ZFYVE16: variants seen among roughly 807,000 people sequenced by gnomAD.
ZFYVE16 encodes the protein zinc finger FYVE-type containing 16.
ZFYVE16 carries 89 observed loss-of-function variants against 138.1 expected under a neutral mutation model. The ratio of observed to expected loss-of-function variants is 0.64; its 90% CI spans 0.54 to 0.77. The LOEUF is 0.77. ZFYVE16 is among the 30% of genes least tolerant of loss of function. The pLI is 0.00. For missense variants in ZFYVE16, 1,793 were observed against 1,786.7 expected (o/e 1.00, Z -0.06); for synonymous variants, 596 against 618.3 (o/e 0.96, Z 0.53).
At chr5:80,476,982 A>G (rs1486364136) in intron 18 of ZFYVE16, among the ~76,000 whole-genome samples, 2 of 152,190 alleles carry the variant, frequency 1.3e-5, no homozygotes, top group Non-Finnish European at 2.9e-5. Context: ...TTTAGAGGAA[A>G]CGTAAAGTAT....
chr5:80,438,911 T>A lies in ZFYVE16; in HGVS notation c.2226T>A (p.Pro742=). The change falls in exon 4 of 19, where the codon CCT becomes CCA. Residue 742 remains proline (P), a synonymous_variant. Transcript: ENST00000505560. ...KEGLVLGQKQ[P]TWVPDSEAPN... ...GCTTGGTTTTGGGCCAGAAACAGCC[T>A]ACTTGGGTTCCTGATTCAGAAGCTC... 1 of 1,614,102 alleles carries A rather than the reference T, an allele frequency of 6.2e-7. No homozygotes were observed. The highest frequency in any genetic ancestry group is 8.5e-7 in the Non-Finnish European group (1 of 1,179,944).
chr5:80,439,900 G>T, intron 4 of ZFYVE16, 36 bp from the exon 5 acceptor site: 2 of 1,574,910 alleles, frequency 1.3e-6, no homozygotes, highest in Non-Finnish European at 1.7e-6. Context: ...AAGTATTCTT[G>T]AAACAAAGAC....
chr5:80,441,663 T>G, intron 5 of ZFYVE16: 1 of 945,246 alleles, frequency 1.1e-6, no homozygotes, highest in Non-Finnish European at 1.2e-6. Flanking sequence ...GTCCTGAGAT[T>G]ATGTGAGTTT....
chr5:80,427,610 C>CTTTTTTTTTTTTTTTTT, intron 2 of ZFYVE16, 65 bp downstream of exon 2: 22 of 49,996 alleles, frequency 4.4e-4, no homozygotes, highest in East Asian at 8.8e-4. Flanking sequence ...CTGTCGTATG[C>CTTTTTTTTTTTTTTTTT]TTTTTTTTTT....
chr5:80,437,736 C>G lies in ZFYVE16; in HGVS notation c.1051C>G (p.Leu351Val). ...ACAAGAAGACTCAAAAAGTTTAGAC[C>G]TTAAGGATAATGATGTAATCCAAGA... Reference protein sequence around the residue: ...SAQEDSKSLDLKDNDVIQDSS... With the variant: ...SAQEDSKSLDVKDNDVIQDSS... Residue 351 changes from leucine to valine, a missense_variant, in exon 4 of 19, where the codon CTT becomes GTT. Leu to Val is a conservative substitution (Grantham distance 32). Transcript: ENST00000505560. 1.2e-6 allele frequency: 2 copies of G among 1,614,028 alleles called. No individual in the cohort carries two copies. The highest frequency in any genetic ancestry group is 1.7e-6 in the Non-Finnish European group (2 of 1,179,962).
At chr5:80,457,721 A>G (rs1752663522) in intron 14 of ZFYVE16, among the ~76,000 whole-genome samples, 1 of 152,132 alleles carries the variant, frequency 6.6e-6, no homozygotes, top group Admixed American at 6.5e-5. Context: ...AGCTTGGAAA[A>G]TACATTTTGA....
intron 15 of ZFYVE16, among the ~76,000 whole-genome samples, chr5:80,459,938 T>C (rs553769111): frequency 3.9e-5 from 6 of 152,306 alleles, no homozygotes; most frequent in African/African-American, 1.2e-4. Context: ...AATGTATTCA[T>C]CTCCTGATCA....
intron 1 of ZFYVE16, among the ~76,000 whole-genome samples, chr5:80,413,855 A>G (rs142516951): frequency 6.6e-5 from 10 of 152,244 alleles, no homozygotes; most frequent in African/African-American, 2.4e-4. Flanking sequence ...TCCCATCCTA[A>G]TGCGATTTGA....
At position 80,437,437 on chromosome 5, in the gene ZFYVE16, A is replaced by C. The variant is rs760083132; in HGVS notation, c.752A>C (p.Gln251Pro). 6.2e-7 allele frequency: 1 copy of C among 1,602,288 alleles called. No individual in the cohort carries two copies. Among genetic ancestry groups the C allele is most frequent in the African/African-American group, 1.3e-5 (1 of 74,306 alleles). Residue 251 changes from glutamine to proline, a missense_variant, in exon 4 of 19, where the codon CAA becomes CCA. By Grantham distance (76) the Gln-to-Pro change is moderately conservative. Coordinates refer to ENST00000505560, the MANE Select transcript of ZFYVE16 (RefSeq NM_001284236.3). ...DFNMSSALTRQSSKMFHAKDK... is the reference protein window; with the variant it reads ...DFNMSSALTRPSSKMFHAKDK... Reference sequence around the variant, plus strand: ...AACATGTCATCTGCTTTGACTCGACAAAGTTCCAAAATGTTTCATGCCAAA... The same window carrying C: ...AACATGTCATCTGCTTTGACTCGACCAAGTTCCAAAATGTTTCATGCCAAA...
At chr5:80,468,882 A>G (rs565388782) in intron 15 of ZFYVE16, among the ~76,000 whole-genome samples, 3 of 152,032 alleles carry the variant, frequency 2.0e-5, no homozygotes, top group East Asian at 3.9e-4. Context: ...TGCAATTCTT[A>G]TGCTTTTTAT....
intron 1 of ZFYVE16, among the ~76,000 whole-genome samples, chr5:80,411,122 C>T (rs1745390608): frequency 6.8e-6 from 1 of 146,584 alleles, no homozygotes; most frequent in Admixed American, 7.0e-5. Context: ...CACGTGCCAC[C>T]ACGCCCAGCT....
chr5:80,423,954 C>CTT (rs70988470), intron 1 of ZFYVE16, among the ~76,000 whole-genome samples: 13 of 149,898 alleles, frequency 8.7e-5, no homozygotes, highest in Admixed American at 1.3e-4. Context: ...TTTACTTTTT[C>CTT]TTTTTTTTGA....
chr5:80,419,468 CT>C (rs1746759202), intron 1 of ZFYVE16, among the ~76,000 whole-genome samples: 1 of 152,208 alleles, frequency 6.6e-6, no homozygotes, highest in African/African-American at 2.4e-5. Flanking sequence ...TCTTGTGCAT[CT>C]TTAAATTAGG....
In ZFYVE16 at chr5:80,477,339, A is replaced by C. The variant is rs1755018061; in HGVS notation, c.4582A>C (p.Ile1528Leu). 6.2e-7 allele frequency: 1 copy of C among 1,609,248 alleles called. No homozygotes were observed. ...GTSNSSLPLE[I>L]ELVFFIIEHL... is the part of the protein sequence containing the mutation. ...CTCCAACTCTAGTTTACCATTAGAA[A>C]TAGAATTAGTGTTTTTCATTATAGA... is the stretch of plus-strand genomic sequence containing the variant. The change falls in exon 19 of 19, where the codon ATA becomes CTA. Residue 1528 changes from isoleucine (I) to leucine (L), a missense_variant. Transcript: ENST00000505560.
rs368449849 is a variant in ZFYVE16, at chr5:80,448,136, A to G, written c.2835A>G (p.Pro945=). 6.8e-6 allele frequency: 11 copies of G among 1,613,922 alleles called. No homozygotes were observed. The African/African-American group carries it at 1.3e-4, about 20-fold the overall frequency. Residue 945 remains proline, a synonymous_variant, in exon 8 of 19, where the codon CCA becomes CCG. Coordinates refer to ENST00000505560, the MANE Select transcript of ZFYVE16 (RefSeq NM_001284236.3). ...TTCAGAGTCCTATTTCTCAGGTTCC[A>G]TCAGTGGAAAAATTGTCTATGAACA... ...EIIQSPISQV[P]SVEKLSMNTG...
intron 1 of ZFYVE16, among the ~76,000 whole-genome samples, chr5:80,409,136 CT>C (rs58398919): frequency 0.06 from 9,051 of 152,062 alleles, 485 homozygotes; most frequent in African/African-American, 0.14. Flanking sequence ...TCCTTTGAGT[CT>C]TTTTTTCCCC....
At chr5:80,424,315 T>C (rs1580132565) in intron 1 of ZFYVE16, among the ~76,000 whole-genome samples, 1 of 152,326 alleles carries the variant, frequency 6.6e-6, no homozygotes, top group Non-Finnish European at 1.5e-5. Flanking sequence ...GCGATCAGGT[T>C]CCATGACCTT....
At chr5:80,446,360 ATATT>A (rs1751351937) in intron 7 of ZFYVE16, among the ~76,000 whole-genome samples, 1 of 152,176 alleles carries the variant, frequency 6.6e-6, no homozygotes, top group Admixed American at 6.5e-5. Context: ...AATTTAAAAA[ATATT>A]TATTAACTAA....
intron 1 of ZFYVE16, among the ~76,000 whole-genome samples, chr5:80,422,818 G>T (rs190773252): frequency 2.0e-5 from 3 of 152,170 alleles, no homozygotes; most frequent in Non-Finnish European, 4.4e-5. Flanking sequence ...TGTTAATATG[G>T]TAGATTATAT....
Sources: gnomAD v4.1 joint callset for allele counts (sites outside exome capture counted in the v4.1 genomes callset) on GRCh38, gnomAD v4.1.1 for gene constraint, MANE v1.5 for transcripts, NCBI Gene and HGNC (gene_info 2026-07-23, HGNC 2026-07-21) for gene names.